Variants in SAGE1 observed in about 807,000 individuals in gnomAD.
The protein encoded by SAGE1 is sarcoma antigen 1, also known as cancer/testis antigen 14.
A neutral mutation model predicts 55.4 loss-of-function variants in SAGE1; 55 were observed. The observed-to-expected ratio is 0.99, with a 90% CI of 0.80 to 1.24. The LOEUF is 1.24. Ranked by LOEUF, SAGE1 falls within the 50% of genes most tolerant of loss-of-function variation. The probability of loss-of-function intolerance (pLI) is 0.00; values close to 1 mark genes in which losing one functional copy is unlikely to be tolerated. For missense variants in SAGE1, 710 were observed against 704.4 expected, an observed-to-expected ratio of 1.01 and a Z score of -0.09; for synonymous variants, 240 against 244.3, an observed-to-expected ratio of 0.98 and a Z score of 0.17.
At chrX:135,910,007 T>G in intron 14 of SAGE1, 23 bp from the exon 15 acceptor site, 5 of 1,193,246 alleles carry the variant, frequency 4.2e-6, no homozygotes, top group Non-Finnish European at 5.6e-6. Flanking sequence ...ACTCAAAACT[T>G]AACCTCTTTA....
Position 135,907,315 on chromosome X carries a change from T to C in SAGE1, c.880T>C (p.Ser294Pro). 8.3e-7 allele frequency: 1 copy of C among 1,204,542 alleles called. No homozygotes were observed. Among genetic ancestry groups the C allele is most frequent in the Non-Finnish European group, 1.1e-6 (1 of 892,057 alleles). ...TPAISTNGLY[S>P]TVPHNVCEEK... ...CAACCTCTTCATTTGTTTTCCAGAT[T>C]CCACCGTCCCTCACAATGTCTGTGA... Residue 294 changes from serine to proline, a missense_variant and splice_region_variant, in exon 9 of 20, where the codon TCC becomes CCC. By Grantham distance (74) the Ser-to-Pro change is moderately conservative. Transcript: ENST00000370709.
Position 135,908,467 on chromosome X carries a change from T to C in SAGE1, c.1301-10T>C. ...TAACTCACAGCTCGACCTCTTTATT[T>C]GGTTTCTAGATGCTACCGTCAATCA... is the stretch of plus-strand genomic sequence containing the variant. On this transcript the variant is annotated splice_polypyrimidine_tract_variant and intron_variant, in intron 11 of 19. Transcript: ENST00000370709. 8.4e-7 allele frequency: 1 copy of C among 1,195,968 alleles called. No homozygotes were observed. The highest frequency in any genetic ancestry group is 1.1e-6 in the Non-Finnish European group (1 of 889,458).
intron 2 of SAGE1, among the ~76,000 whole-genome samples, chrX:135,899,180 A>T (rs1303972311): frequency 8.9e-6 from 1 of 111,754 alleles, no homozygotes; most frequent in African/African-American, 3.3e-5. Context: ...ATAAGGTGTA[A>T]GGAAGGAGCC....
chrX:135,895,352 C>T (rs1209691155), intron 1 of SAGE1, among the ~76,000 whole-genome samples: 4 of 112,296 alleles, frequency 3.6e-5, no homozygotes, highest in African/African-American at 1.3e-4. Flanking sequence ...TCTTTACCCC[C>T]ACTTTGGTGA....
chrX:135,912,096 C>A, intron 18 of SAGE1, 143 bp downstream of exon 18: 1 of 1,102,860 alleles, frequency 9.1e-7, no homozygotes, highest in Non-Finnish European at 1.2e-6. Context: ...ACTTTAATTT[C>A]ACTGAAAATT....
In SAGE1 at chrX:135,910,137, A is replaced by G. The variant is rs1556605431; in HGVS notation, c.1831A>G (p.Thr611Ala). 8.3e-7 allele frequency: 1 copy of G among 1,204,576 alleles called. No homozygotes were observed. Among genetic ancestry groups the G allele is most frequent in the Non-Finnish European group, 1.1e-6 (1 of 891,309 alleles). ...ACCAGCATTTATTAATATGGCAGCA[A>G]CTGGTGTTTCATCCATGAGTACCAG... ...VPPAFINMAATGVSSMSTRDQ... is the reference protein window; with the variant it reads ...VPPAFINMAAAGVSSMSTRDQ... Residue 611 changes from threonine (T) to alanine (A), a missense_variant, in exon 15 of 20, where the codon ACT (threonine) becomes GCT (alanine). Physicochemically the swap from Thr to Ala is moderately conservative, Grantham distance 58. Coordinates refer to ENST00000370709, the MANE Select transcript of SAGE1 (RefSeq NM_001381902.1).
At chrX:135,912,240 A>G (rs2088911287) in intron 18 of SAGE1, 81 bp from the exon 19 acceptor site, 3 of 1,136,621 alleles carry the variant, frequency 2.6e-6, no homozygotes, top group Non-Finnish European at 3.5e-6. Context: ...AAAAATGTAT[A>G]CTGTGGTAGT....
Position 135,909,650 on chromosome X carries a change from A to T in SAGE1, c.1594A>T (p.Thr532Ser). ...TATTTGGTTTCCAGATGCTACCGTC[A>T]CTCAAAATGTCCATGAAGAGAGGAT... is the stretch of plus-strand genomic sequence containing the variant. ...MSTKDLYATV[T>S]QNVHEERMEN... The change falls in exon 14 of 20, where the codon ACT becomes TCT. Residue 532 changes from threonine (T) to serine (S), a missense_variant. Thr to Ser is a moderately conservative substitution (Grantham distance 58, BLOSUM62 1). Coordinates refer to ENST00000370709, the MANE Select transcript of SAGE1 (RefSeq NM_001381902.1). 1 of 1,202,106 alleles carries T rather than the reference A, an allele frequency of 8.3e-7. No homozygotes were observed. The highest frequency in any genetic ancestry group is 3.0e-5 in the East Asian group (1 of 33,770).
In SAGE1 at chrX:135,910,410, T is replaced by C. The variant is rs200085477; in HGVS notation, c.1865-5T>C. ...CTCACGCCCAACCTCTTCTTTTGTTTCCAGATGCTGCAGTCACTCACAACA... is the reference window on the plus strand; with the variant it reads ...CTCACGCCCAACCTCTTCTTTTGTTCCCAGATGCTGCAGTCACTCACAACA... On this transcript the variant is annotated splice_polypyrimidine_tract_variant and splice_region_variant and intron_variant, in intron 15 of 19. Transcript: ENST00000370709. 4.1e-6 allele frequency: 5 copies of C among 1,208,571 alleles called. No homozygotes were observed. In the East Asian group the frequency reaches 1.5e-4, roughly 36 times the overall value.
rs2088797242 is a variant in SAGE1 at position 135,906,641 on chromosome X, T to C, written c.736+90T>C. On this transcript the variant is annotated intron_variant, in intron 7 of 19. Coordinates refer to ENST00000370709, the MANE Select transcript of SAGE1 (RefSeq NM_001381902.1). ...CATACAAGGTGGTTTTGTTGTATTG[T>C]CGTTCCTGGTATTTCACCCATGAGT... 5 of 1,066,177 alleles carry C rather than the reference T, an allele frequency of 4.7e-6. No homozygotes were observed. The South Asian group carries it at 6.8e-5, about 14-fold the overall frequency. 87.9% of individuals were successfully genotyped at this position (1,066,177 alleles called of 1,213,427 possible).
At chrX:135,898,392 A>G (rs1202694093) in intron 2 of SAGE1, among the ~76,000 whole-genome samples, 5 of 112,413 alleles carry the variant, frequency 4.4e-5, no homozygotes, top group Non-Finnish European at 9.4e-5. Context: ...CCAGTCTATC[A>G]TTGATGGGCA....
At chrX:135,909,261 A>G (rs782081853) in intron 13 of SAGE1, among the ~76,000 whole-genome samples, 1 of 111,810 alleles carries the variant, frequency 8.9e-6, no homozygotes, top group Non-Finnish European at 1.9e-5. Context: ...AGATTTTACC[A>G]TCACTCACAA....
intron 2 of SAGE1, among the ~76,000 whole-genome samples, chrX:135,901,308 T>A (rs1242998173): frequency 5.4e-5 from 6 of 111,412 alleles, no homozygotes; most frequent in Admixed American, 4.8e-4. Context: ...CATTCTGATT[T>A]ATCATGACTG....
intron 19 of SAGE1, 159 bp downstream of exon 19, chrX:135,912,573 C>T: frequency 1.3e-6 from 1 of 753,627 alleles, no homozygotes; most frequent in Non-Finnish European, 1.6e-6. Flanking sequence ...CTTATTCTAA[C>T]ACTTTCTTCC....
chrX:135,904,372 T>C, intron 3 of SAGE1, 105 bp from the exon 4 acceptor site: 1 of 530,504 alleles, frequency 1.9e-6, no homozygotes, highest in Non-Finnish European at 3.3e-6. Context: ...TATATCCTTC[T>C]TCTTTATGAG....
Position 135,911,810 on chromosome X carries a change from T to C in SAGE1, c.2378T>C (p.Val793Ala), listed in dbSNP as rs1556606704. 8.3e-7 allele frequency: 1 copy of C among 1,209,918 alleles called. No homozygotes were observed. The highest frequency in any genetic ancestry group is 1.7e-5 in the African/African-American group (1 of 57,827). ...EFAVGTKNYS[V>A]SAGDPPVTVM... ...GCGGTAGGCACCAAAAACTACAGTG[T>C]CTCTGCAGGTGACCCACCAGTTACA... The change falls in exon 18 of 20, where the codon GTC becomes GCC. Residue 793 changes from valine (V) to alanine (A), a missense_variant. Transcript: ENST00000370709.
intron 16 of SAGE1, 109 bp downstream of exon 16, chrX:135,910,664 G>T: frequency 1.4e-6 from 1 of 730,019 alleles, no homozygotes; most frequent in Admixed American, 2.5e-5. Context: ...GCCTCAGTTT[G>T]AGGGGTATCA....
chrX:135,901,776 C>T (rs1465755095), intron 3 of SAGE1, 85 bp downstream of exon 3: 115 of 916,456 alleles, frequency 1.3e-4, no homozygotes, highest in Non-Finnish European at 1.4e-4. Flanking sequence ...GATATGAGCA[C>T]ATTTGCAAGT....
In SAGE1 at chrX:135,906,519, C is replaced by T. The variant is rs781936621; in HGVS notation, c.704C>T (p.Thr235Ile). The T allele has an allele frequency of 2.5e-6, 3 of 1,208,691 alleles. No homozygotes were observed. The African/African-American group carries it at 5.2e-5, about 21-fold the overall frequency. ...CCACGGCGTATTAATATGACAGACA[C>T]TGGTATTTCACCCATGAGTACCAGG... ...LRPRRINMTDTGISPMSTRDP... is the reference protein window; with the variant it reads ...LRPRRINMTDIGISPMSTRDP... The change falls in exon 7 of 20, where the codon ACT (threonine) becomes ATT (isoleucine). Residue 235 changes from threonine (T) to isoleucine (I), a missense_variant. Transcript: ENST00000370709.
Sources: gnomAD v4.1 joint callset for allele counts (sites outside exome capture counted in the v4.1 genomes callset) on GRCh38, gnomAD v4.1.1 for gene constraint, MANE v1.5 for transcripts, NCBI Gene and HGNC (gene_info 2026-07-23, HGNC 2026-07-21) for gene names.